NPAS3: variants seen among roughly 807,000 people sequenced by gnomAD.
NPAS3 encodes neuronal PAS domain protein 3.
Under a neutral mutation model 73.1 loss-of-function variants are expected in NPAS3, and 14 were observed. The observed-to-expected ratio is 0.19, with a 90% CI of 0.13 to 0.30. NPAS3 has a LOEUF of 0.30. Among genes scored for constraint, NPAS3 ranks in the 10% least tolerant of loss-of-function variants. The pLI, the probability that NPAS3 is intolerant of heterozygous loss-of-function variation, is 1.00. For synonymous variants in NPAS3, 620 were observed against 541.5 expected (o/e 1.14, Z -2.01); for missense variants, 1,096 against 1,250.0 (o/e 0.88, Z 1.86).
chr14:33,109,366 G>T (rs919004950), intron 2 of NPAS3, among the ~76,000 whole-genome samples: 3 of 151,960 alleles, frequency 2.0e-5, no homozygotes, highest in Non-Finnish European at 4.4e-5. Flanking sequence ...TTTTGTTTTG[G>T]CAAAAATTTA....
intron 1 of NPAS3, among the ~76,000 whole-genome samples, chr14:32,950,769 C>A (rs1339499235): frequency 2.0e-5 from 3 of 152,078 alleles, no homozygotes; most frequent in Non-Finnish European, 2.9e-5. Flanking sequence ...GATAGTGACA[C>A]CATCCTCTAG....
At chr14:33,648,337 A>C (rs898830941) in intron 5 of NPAS3, among the ~76,000 whole-genome samples, 8 of 152,194 alleles carry the variant, frequency 5.3e-5, no homozygotes, top group Non-Finnish European at 1.2e-4. Context: ...TCCAAATAAT[A>C]GTCCTGCATA....
intron 4 of NPAS3, among the ~76,000 whole-genome samples, chr14:33,428,004 G>A (rs2048626098): frequency 6.6e-6 from 1 of 152,088 alleles, no homozygotes; most frequent in African/African-American, 2.4e-5. Context: ...TTTTGTTATA[G>A]TGGTAGTTTG....
At chr14:33,110,025 G>A (rs2042841239) in intron 2 of NPAS3, among the ~76,000 whole-genome samples, 1 of 151,390 alleles carries the variant, frequency 6.6e-6, no homozygotes, top group African/African-American at 2.4e-5. Flanking sequence ...CTTATACGAA[G>A]GCTATTTCTG....
At chr14:33,124,730 A>G (rs2043362160) in intron 2 of NPAS3, among the ~76,000 whole-genome samples, 1 of 152,184 alleles carries the variant, frequency 6.6e-6, no homozygotes, top group Admixed American at 6.5e-5. Flanking sequence ...AAAGCAGAAT[A>G]TTTAAATAAG....
At chr14:33,700,859 G>A (rs2060506049) in intron 6 of NPAS3, among the ~76,000 whole-genome samples, 1 of 152,224 alleles carries the variant, frequency 6.6e-6, no homozygotes, top group Non-Finnish European at 1.5e-5. Flanking sequence ...TAAACCCAGT[G>A]TGGAAGATTT....
intron 5 of NPAS3, among the ~76,000 whole-genome samples, chr14:33,577,430 T>C (rs932174692): frequency 2.0e-5 from 3 of 152,186 alleles, no homozygotes; most frequent in Non-Finnish European, 4.4e-5. Context: ...ACGGACTCTA[T>C]GGTCTATAAA....
intron 1 of NPAS3, among the ~76,000 whole-genome samples, chr14:33,039,471 T>C (rs970977155): frequency 6.6e-6 from 1 of 152,152 alleles, no homozygotes; most frequent in Non-Finnish European, 1.5e-5. Context: ...TGGAATGAAA[T>C]GTGCCTTAAA....
At chr14:33,211,426 T>C (rs1189157735) in intron 2 of NPAS3, among the ~76,000 whole-genome samples, 1 of 152,108 alleles carries the variant, frequency 6.6e-6, no homozygotes, top group Non-Finnish European at 1.5e-5. Flanking sequence ...CGGTGGTGCA[T>C]GCCTGTAGTC....
At chr14:33,442,591 C>G (rs2049303899) in intron 4 of NPAS3, among the ~76,000 whole-genome samples, 1 of 152,148 alleles carries the variant, frequency 6.6e-6, no homozygotes, top group African/African-American at 2.4e-5. Flanking sequence ...AGATCTGATG[C>G]TTTTGTAAGG....
intron 3 of NPAS3, among the ~76,000 whole-genome samples, chr14:33,257,364 T>G (rs982228469): frequency 6.6e-6 from 1 of 152,184 alleles, no homozygotes; most frequent in Non-Finnish European, 1.5e-5. Context: ...TGGGCTTTAT[T>G]CCTTTAATGA....
chr14:33,504,914 G>C (rs997501734), intron 4 of NPAS3, among the ~76,000 whole-genome samples: 9 of 151,996 alleles, frequency 5.9e-5, no homozygotes, highest in Non-Finnish European at 5.9e-5. Context: ...AGACAGATAG[G>C]AATTAGGCAA....
intron 4 of NPAS3, among the ~76,000 whole-genome samples, chr14:33,433,816 A>G (rs2048873902): frequency 6.6e-6 from 1 of 152,246 alleles, no homozygotes; most frequent in South Asian, 2.1e-4. Flanking sequence ...AATGTGAGCC[A>G]TGAAAGTTTC....
chr14:33,475,029 C>A (rs901271301), intron 4 of NPAS3, among the ~76,000 whole-genome samples: 2 of 152,066 alleles, frequency 1.3e-5, no homozygotes, highest in Admixed American at 6.5e-5. Context: ...GGGAAATGAA[C>A]ACAGATTTGA....
intron 1 of NPAS3, among the ~76,000 whole-genome samples, chr14:33,018,320 G>A (rs2039465991): frequency 6.6e-6 from 1 of 152,208 alleles, no homozygotes; most frequent in African/African-American, 2.4e-5. Context: ...AGGGGTAGAA[G>A]TGATGGGAAG....
intron 6 of NPAS3, among the ~76,000 whole-genome samples, chr14:33,710,512 G>A (rs780735705): frequency 5.3e-5 from 8 of 152,126 alleles, no homozygotes; most frequent in East Asian, 1.9e-4. Flanking sequence ...CTATTAAGCC[G>A]AGGCCGCATT....
chr14:33,301,994 T>C (rs2042569818), intron 3 of NPAS3, among the ~76,000 whole-genome samples: 1 of 152,194 alleles, frequency 6.6e-6, no homozygotes, highest in Non-Finnish European at 1.5e-5. Flanking sequence ...TGGTGCCCTC[T>C]CCGTGCGTGG....
At chr14:33,190,137 G>T (rs2046117920) in intron 2 of NPAS3, among the ~76,000 whole-genome samples, 1 of 152,124 alleles carries the variant, frequency 6.6e-6, no homozygotes, top group African/African-American at 2.4e-5. Context: ...TTTAAAAACA[G>T]CTGAAAATAC....
chr14:33,409,196 G>A (rs1052891054), intron 4 of NPAS3, among the ~76,000 whole-genome samples: 1 of 152,146 alleles, frequency 6.6e-6, no homozygotes, highest in African/African-American at 2.4e-5. Flanking sequence ...TGTGGGGAGG[G>A]GAGTTGAGCA....
Sources: gnomAD v4.1 joint callset for allele counts (sites outside exome capture counted in the v4.1 genomes callset) on GRCh38, gnomAD v4.1.1 for gene constraint, MANE v1.5 for transcripts, NCBI Gene and HGNC (gene_info 2026-07-23, HGNC 2026-07-21) for gene names.